The following TMEM132D variants were observed in gnomAD, a reference collection of about 807,000 sequenced individuals.
TMEM132D encodes the protein transmembrane protein 132D, also known as mature OL transmembrane protein.
Under a neutral mutation model 62.3 loss-of-function variants are expected in TMEM132D, and 21 were observed. That is an observed-to-expected ratio of 0.34 (90% CI 0.24 to 0.49). TMEM132D has a LOEUF of 0.49. Ranked by LOEUF, TMEM132D falls within the 20% of genes least tolerant of loss-of-function variation. TMEM132D has a pLI of 0.99. For synonymous variants in TMEM132D, 621 were observed against 575.6 expected (o/e 1.08, Z -1.13); for missense variants, 1,346 against 1,402.8 (o/e 0.96, Z 0.65).
In TMEM132D at chr12:129,773,791, C is replaced by T. The variant is rs147703085; in HGVS notation, c.80-73093G>A. Among the ~76,000 whole-genome samples the T allele has an allele frequency of 2.0e-5, 3 of 152,318 alleles. No individual in the cohort carries two copies. In the East Asian group the frequency reaches 5.8e-4, roughly 29 times the overall value. ...TGGAAGTAACATAAATCAACTTGGG[C>T]TGGCATACAGAACACGGGGCCTCAC... On this transcript the variant is annotated intron_variant, in intron 1 of 8. Transcript: ENST00000422113.
chr12:129,776,838 G>GA (rs143082916), intron 1 of TMEM132D, among the ~76,000 whole-genome samples: 4 of 149,068 alleles, frequency 2.7e-5, no homozygotes, highest in Admixed American at 6.7e-5. Flanking sequence ...TCTTAAGGAG[G>GA]AAAAAAAAGA....
intron 1 of TMEM132D, among the ~76,000 whole-genome samples, chr12:129,767,416 T>C (rs1272205409): frequency 6.6e-6 from 1 of 152,182 alleles, no homozygotes; most frequent in Non-Finnish European, 1.5e-5. Flanking sequence ...CATATTGCTG[T>C]GTAACCATCA....
chr12:129,432,291 T>TTGGA (rs1343742913), intron 3 of TMEM132D, among the ~76,000 whole-genome samples: 20 of 20,968 alleles, frequency 9.5e-4, no homozygotes, highest in East Asian at 9.9e-3. Context: ...GGATGGATGC[T>TTGGA]TGGATGGATG....
intron 5 of TMEM132D, among the ~76,000 whole-genome samples, chr12:129,189,799 C>G (rs541954583): frequency 7.2e-5 from 11 of 152,104 alleles, no homozygotes; most frequent in African/African-American, 2.7e-4. Context: ...TTGGCAAAGA[C>G]GTCAGTGTCC....
chr12:129,667,155 C>T (rs564789990), intron 2 of TMEM132D, among the ~76,000 whole-genome samples: 13 of 152,228 alleles, frequency 8.5e-5, no homozygotes, highest in Non-Finnish European at 1.8e-4. Context: ...GAAAACTGAT[C>T]TGCTGTTTGA....
rs111562077 is a variant in TMEM132D, at chr12:129,608,944, C to CTTT, written c.969-77742_969-77740dup. Among the ~76,000 whole-genome samples the CTTT allele has an allele frequency of 6.1e-3, 869 of 141,718 alleles. 14 individuals are homozygous for CTTT. The highest frequency in any genetic ancestry group is 0.021 in the African/African-American group (810 of 38,054). 93.0% of individuals were successfully genotyped at this position (141,718 alleles called of 152,430 possible). ...CTCTGAGTTGGGCCCTCAAATTGTT[C>CTTT]TTTTTTTTTTTTTTGAGATGGAGTC... On this transcript the variant is annotated intron_variant, in intron 2 of 8. Transcript: ENST00000422113.
Position 129,379,680 on chromosome 12 carries a change from C to G in TMEM132D, c.1116-41863G>C, listed in dbSNP as rs188252664. ...TAATCATCAACCCACTGCAAGGAAA[C>G]TTTCAGGGAGGAGCACAAGTCCTGG... is the stretch of plus-strand genomic sequence containing the variant. On this transcript the variant is annotated intron_variant, in intron 3 of 8. Transcript: ENST00000422113. Among the ~76,000 whole-genome samples, 6 of 152,286 alleles carry G rather than the reference C, an allele frequency of 3.9e-5. No individual in the cohort carries two copies. The East Asian group carries it at 1.2e-3, about 29-fold the overall frequency.
At chr12:129,809,177 G>T (rs547764334) in intron 1 of TMEM132D, among the ~76,000 whole-genome samples, 1 of 151,924 alleles carries the variant, frequency 6.6e-6, no homozygotes, top group Non-Finnish European at 1.5e-5. Flanking sequence ...GCATGGTGGC[G>T]GGCACCTGTA....
chr12:129,642,816 C>CT (rs1879673942), intron 2 of TMEM132D, among the ~76,000 whole-genome samples: 1 of 152,092 alleles, frequency 6.6e-6, no homozygotes, highest in Non-Finnish European at 1.5e-5. Flanking sequence ...TCTTTACCTC[C>CT]TGTCTTTGCT....
rs1356415312 is a variant in TMEM132D at position 129,545,285 on chromosome 12, G to A, written c.969-14080C>T. Among the ~76,000 whole-genome samples, 4 of 152,234 alleles carry A rather than the reference G, an allele frequency of 2.6e-5. No individual in the cohort carries two copies. The East Asian group carries it at 7.7e-4, about 29-fold the overall frequency. On this transcript the variant is annotated intron_variant, in intron 2 of 8. Transcript: ENST00000422113. ...CAAGTCCTACTGGCATTGGGGCCCT[G>A]GATTCAACCATTCCTGAAGCAAGAT...
At chr12:129,126,092 TGTAA>T (rs1467755122) in intron 5 of TMEM132D, among the ~76,000 whole-genome samples, 2 of 152,226 alleles carry the variant, frequency 1.3e-5, no homozygotes, top group African/African-American at 2.4e-5. Context: ...CTTCTCTGCC[TGTAA>T]GTTTTCCCAA....
intron 5 of TMEM132D, among the ~76,000 whole-genome samples, chr12:129,163,373 C>T (rs924417553): frequency 2.0e-5 from 3 of 152,124 alleles, no homozygotes; most frequent in African/African-American, 7.2e-5. Flanking sequence ...CCATCTTCTG[C>T]CTCTGCAGAT....
At chr12:129,423,288 T>G (rs1465013104) in intron 3 of TMEM132D, among the ~76,000 whole-genome samples, 2 of 152,126 alleles carry the variant, frequency 1.3e-5, no homozygotes, top group Non-Finnish European at 2.9e-5. Context: ...CAGGAAACAG[T>G]GCTCTGCAAA....
rs186834323 is a variant in TMEM132D, at chr12:129,306,550, G to C, written c.1299+31084C>G. ...ACAGATGTTGATTGTTGTGGCTTGGGAAACTAGGAATTCCACTGGCAAATA... is the reference window on the plus strand; with the variant it reads ...ACAGATGTTGATTGTTGTGGCTTGGCAAACTAGGAATTCCACTGGCAAATA... On this transcript the variant is annotated intron_variant, in intron 4 of 8. Transcript: ENST00000422113. 4.3e-3 allele frequency among the ~76,000 whole-genome samples: 648 copies of C among 152,252 alleles called. 3 individuals are homozygous for C. Among genetic ancestry groups the C allele is most frequent in the African/African-American group, 0.015 (616 of 41,546 alleles).
At chr12:129,526,003 G>A (rs943804644) in intron 3 of TMEM132D, among the ~76,000 whole-genome samples, 8 of 152,190 alleles carry the variant, frequency 5.3e-5, no homozygotes, top group African/African-American at 1.9e-4. Flanking sequence ...TCTCAGAAGA[G>A]CTGATTGTTT....
chr12:129,267,392 A>G (rs1436692169), intron 4 of TMEM132D, among the ~76,000 whole-genome samples: 1 of 148,222 alleles, frequency 6.7e-6, no homozygotes, highest in Non-Finnish European at 1.5e-5. Flanking sequence ...CACCAATAAC[A>G]AACAAACAGA....
intron 2 of TMEM132D, among the ~76,000 whole-genome samples, chr12:129,610,042 G>A (rs1878727605): frequency 6.6e-6 from 1 of 152,302 alleles, no homozygotes; most frequent in African/African-American, 2.4e-5. Context: ...GACCGAGGCA[G>A]GAGAATCATC....
At chr12:129,326,795 CAT>C (rs1868927999) in intron 4 of TMEM132D, among the ~76,000 whole-genome samples, 1 of 152,144 alleles carries the variant, frequency 6.6e-6, no homozygotes, top group African/African-American at 2.4e-5. Flanking sequence ...CCATAATTAA[CAT>C]AATCTACCAA....
chr12:129,586,103 G>A (rs903497603), intron 2 of TMEM132D, among the ~76,000 whole-genome samples: 1 of 150,414 alleles, frequency 6.6e-6, no homozygotes, highest in African/African-American at 2.5e-5. Context: ...CAGAGACACG[G>A]CTATGTGTTC....
Sources: allele counts gnomAD v4.1 joint callset (sites outside exome capture counted in the v4.1 genomes callset), GRCh38; gene constraint gnomAD v4.1.1; transcripts MANE v1.5; gene names NCBI Gene and HGNC (gene_info 2026-07-23, HGNC 2026-07-21).